Variants in TBCCD1 observed in about 807,000 individuals in gnomAD.
TBCCD1 encodes TBCC domain containing 1, also known as TBCC domain-containing protein 1.
Under a neutral mutation model 53.4 loss-of-function variants are expected in TBCCD1, and 26 were observed. The ratio of observed to expected loss-of-function variants is 0.49; its 90% CI spans 0.36 to 0.68. The LOEUF (loss-of-function observed/expected upper bound fraction) is 0.68. Ranked by LOEUF, TBCCD1 falls within the 30% of genes least tolerant of loss-of-function variation. TBCCD1 has a pLI of 0.00. For synonymous variants in TBCCD1, 245 were observed against 241.7 expected (o/e 1.01, Z -0.13); for missense variants, 558 against 669.5 (o/e 0.83, Z 1.84).
intron 2 of TBCCD1, among the ~76,000 whole-genome samples, chr3:186,559,183 A>C (rs114086547): frequency 0.039 from 5,979 of 152,342 alleles, 154 homozygotes; most frequent in Non-Finnish European, 0.055. Flanking sequence ...CAGAAGTTTA[A>C]ACTTACAATT....
chr3:186,547,676 G>A (rs181534127), intron 7 of TBCCD1, among the ~76,000 whole-genome samples: 327 of 149,144 alleles, frequency 2.2e-3, no homozygotes, highest in African/African-American at 7.5e-3. Flanking sequence ...GGGTGCTCTC[G>A]GCTCACTGCA....
intron 5 of TBCCD1, 33 bp from the exon 6 acceptor site, chr3:186,554,784 T>A: frequency 6.3e-7 from 1 of 1,592,674 alleles, no homozygotes; most frequent in Non-Finnish European, 8.5e-7. Context: ...TAAAGTCCTC[T>A]GAATAAGATT....
chr3:186,564,440 G>A, intron 1 of TBCCD1, 68 bp from the exon 2 acceptor site: 2 of 1,055,052 alleles, frequency 1.9e-6, no homozygotes, highest in East Asian at 5.0e-5. Flanking sequence ...TTCTTGGAAG[G>A]TGACCCCTCT....
At chr3:186,560,740 T>C (rs1430318557) in intron 2 of TBCCD1, among the ~76,000 whole-genome samples, 5 of 152,216 alleles carry the variant, frequency 3.3e-5, no homozygotes, top group African/African-American at 4.8e-5. Flanking sequence ...AATAATGCCT[T>C]AGCCAATGGA....
intron 2 of TBCCD1, 98 bp from the exon 3 acceptor site, chr3:186,558,670 C>G: frequency 7.7e-7 from 1 of 1,304,386 alleles, no homozygotes; most frequent in Non-Finnish European, 1.0e-6. Context: ...GTTGGCTGAT[C>G]CTAAAAAAAC....
rs749426104 is a variant in TBCCD1, at chr3:186,546,480, C to G, written c.*497G>C. The G allele has an allele frequency of 6.6e-6, 1 of 152,004 alleles. No individual in the cohort carries two copies. The highest frequency in any genetic ancestry group is 2.4e-5 in the African/African-American group (1 of 41,374). The allele number at this position is 152,004 out of a possible 1,614,324, so 9.4% of individuals were successfully genotyped here. On this transcript the variant is annotated 3_prime_UTR_variant, in exon 8 of 8. Coordinates refer to ENST00000338733, the MANE Select transcript of TBCCD1 (RefSeq NM_018138.5). Reference sequence around the variant, plus strand: ...GTTTATATGAAAGTCAGAAGTTTAGCGAAAATTCGGCCTAAACAGTAATAA... The same window carrying G: ...GTTTATATGAAAGTCAGAAGTTTAGGGAAAATTCGGCCTAAACAGTAATAA...
intron 6 of TBCCD1, among the ~76,000 whole-genome samples, chr3:186,552,989 A>C (rs1327662237): frequency 2.6e-5 from 4 of 152,352 alleles, no homozygotes; most frequent in Non-Finnish European, 5.9e-5. Context: ...TTTTATTTGA[A>C]GTATGATGGG....
In TBCCD1 at chr3:186,555,045, G is replaced by T; in HGVS notation, c.899C>A (p.Thr300Asn). 6.2e-7 allele frequency: 1 copy of T among 1,611,258 alleles called. No individual in the cohort carries two copies. Among genetic ancestry groups the T allele is most frequent in the Non-Finnish European group, 8.5e-7 (1 of 1,179,172 alleles). ...TTKRAKIACN[T>N]HVAPRMHRLV... ...TCGGTGCATCCTAGGGGCCACATGA[G>T]TATTACAAGCAATCTTAGCTCTTTT... The change falls in exon 5 of 8, where the codon ACT (threonine) becomes AAT (asparagine). Residue 300 changes from threonine (T) to asparagine (N), a missense_variant. By Grantham distance (65) the Thr-to-Asn change is moderately conservative (BLOSUM62 0). Coordinates refer to ENST00000338733, the MANE Select transcript of TBCCD1 (RefSeq NM_018138.5).
intron 2 of TBCCD1, 139 bp downstream of exon 2, chr3:186,563,855 G>C: frequency 4.0e-6 from 4 of 1,002,210 alleles, no homozygotes; most frequent in Non-Finnish European, 5.6e-6. Context: ...CTTGAAGCCG[G>C]GAGTTCAAGA....
intron 3 of TBCCD1, 85 bp from the exon 4 acceptor site, chr3:186,556,860 T>C (rs1714559147): frequency 2.1e-6 from 3 of 1,450,858 alleles, no homozygotes; most frequent in Admixed American, 2.6e-5. Context: ...TTTGTATTTA[T>C]ACTCTGCCTC....
chr3:186,565,109 C>CTTTTTTTTTTTTT (rs370017010), intron 1 of TBCCD1, among the ~76,000 whole-genome samples: 8 of 124,754 alleles, frequency 6.4e-5, no homozygotes, highest in Admixed American at 1.6e-4. Flanking sequence ...TCTTCTTCTT[C>CTTTTTTTTTTTTT]TTTTTTTTTT....
chr3:186,557,630 G>A (rs1364948148), intron 3 of TBCCD1, among the ~76,000 whole-genome samples: 9 of 152,150 alleles, frequency 5.9e-5, no homozygotes, highest in Non-Finnish European at 1.5e-5. Flanking sequence ...AAGAGAGAAG[G>A]GAAAATTGAC....
At position 186,551,180 on chromosome 3, in the gene TBCCD1, A is replaced by G; in HGVS notation, c.1644T>C (p.Pro548=). 2.5e-6 allele frequency: 4 copies of G among 1,612,306 alleles called. No individual in the cohort carries two copies. Among genetic ancestry groups the G allele is most frequent in the Non-Finnish European group, 1.7e-6 (2 of 1,179,910 alleles). Residue 548 remains proline (P), a synonymous_variant, in exon 7 of 8, where the codon CCT becomes CCC. Transcript: ENST00000338733. Reference sequence around the variant, plus strand: ...CAGCTGCTTGTTTGGAGCCTGCTGCAGGGGGTACAAGGCTGTCCAGCTGTT... The same window carrying G: ...CAGCTGCTTGTTTGGAGCCTGCTGCGGGGGGTACAAGGCTGTCCAGCTGTT... The part of the protein sequence containing the change: ...HRQQLDSLVP[P]AAGSKQAAG
rs767653846 is a variant in TBCCD1, at chr3:186,564,074, T to C, written c.256A>G (p.Thr86Ala). Residue 86 changes from threonine (T) to alanine (A), a missense_variant, in exon 2 of 8, where the codon ACA becomes GCA. Coordinates refer to ENST00000338733, the MANE Select transcript of TBCCD1 (RefSeq NM_018138.5). Reference protein sequence around the residue: ...FEIFDSLSMKTPEERLEWSEV... With the variant: ...FEIFDSLSMKAPEERLEWSEV... The stretch of plus-strand genomic sequence containing the variant: ...GACCATTCCAGGCGCTCCTCAGGTG[T>C]CTTCATTGAAAGACTATCAAATATT... 7 of 1,614,090 alleles carry C rather than the reference T, an allele frequency of 4.3e-6. No homozygotes were observed. The highest frequency in any genetic ancestry group is 1.3e-5 in the African/African-American group (1 of 74,922).
chr3:186,550,140 T>C (rs998083326), intron 7 of TBCCD1, among the ~76,000 whole-genome samples: 2 of 151,382 alleles, frequency 1.3e-5, no homozygotes, highest in Non-Finnish European at 2.9e-5. Context: ...GGCAGGAGAA[T>C]TGCTTGAACC....
chr3:186,569,959 T>C, upstream of TBCCD1: 1 of 571,496 alleles, frequency 1.7e-6, no homozygotes, highest in South Asian at 2.2e-5. Flanking sequence ...TAATGGTTTT[T>C]ACTCGTTGCC....
chr3:186,562,888 T>C (rs1408282288), intron 2 of TBCCD1, among the ~76,000 whole-genome samples: 1 of 151,518 alleles, frequency 6.6e-6, no homozygotes, highest in African/African-American at 2.4e-5. Context: ...TCTTCCCTTC[T>C]GTTATAAGAA....
At chr3:186,569,799 G>GTA (rs1048183949), upstream of TBCCD1, among the ~76,000 whole-genome samples, 4 of 152,112 alleles carry the variant, frequency 2.6e-5, no homozygotes, top group Non-Finnish European at 4.4e-5. Flanking sequence ...ACAGATTGAA[G>GTA]TATAGTTCAG....
chr3:186,568,139 A>G (rs1714892180), upstream of TBCCD1, among the ~76,000 whole-genome samples: 1 of 152,098 alleles, frequency 6.6e-6, no homozygotes, highest in Non-Finnish European at 1.5e-5. Context: ...TCAAATTTAC[A>G]CATACCTGGG....
Sources: gnomAD v4.1 joint callset for allele counts (sites outside exome capture counted in the v4.1 genomes callset) on GRCh38, gnomAD v4.1.1 for gene constraint, MANE v1.5 for transcripts, NCBI Gene and HGNC (gene_info 2026-07-23, HGNC 2026-07-21) for gene names.